NAV2: variants seen among roughly 807,000 people sequenced by gnomAD.
The protein encoded by NAV2 is neuron navigator 2, also known as helicase, APC down-regulated 1.
Under a neutral mutation model 223.2 loss-of-function variants are expected in NAV2, and 54 were observed. The ratio of observed to expected loss-of-function variants is 0.24; its 90% CI spans 0.19 to 0.30. The LOEUF (loss-of-function observed/expected upper bound fraction) is 0.30. Ranked by LOEUF, NAV2 falls within the 10% of genes least tolerant of loss-of-function variation. The pLI, the probability that NAV2 is intolerant of heterozygous loss-of-function variation, is 1.00. For missense variants in NAV2, 2,806 were observed against 3,147.5 expected (o/e 0.89, Z 2.60); for synonymous variants, 1,279 against 1,239.3 (o/e 1.03, Z -0.67).
chr11:19,428,439 C>T (rs550386773), intron 1 of NAV2, among the ~76,000 whole-genome samples: 1 of 152,298 alleles, frequency 6.6e-6, no homozygotes, highest in East Asian at 1.9e-4. Flanking sequence ...CGCATTCAAG[C>T]TAGTGTACCT....
At chr11:19,663,837 C>T (rs536616322) in intron 1 of NAV2, among the ~76,000 whole-genome samples, 54 of 152,276 alleles carry the variant, frequency 3.5e-4, no homozygotes, top group African/African-American at 1.0e-3. Flanking sequence ...CATATATCTT[C>T]GATGTTAAGA....
intron 1 of NAV2, among the ~76,000 whole-genome samples, chr11:19,527,763 A>G (rs1045181097): frequency 1.3e-5 from 2 of 152,138 alleles, no homozygotes; most frequent in Non-Finnish European, 2.9e-5. Context: ...GGGTCCACAC[A>G]CTTGGAATGC....
intron 3 of NAV2, among the ~76,000 whole-genome samples, chr11:19,857,943 A>ACCTCC (rs1274162547): frequency 1.3e-5 from 2 of 151,856 alleles, no homozygotes; most frequent in African/African-American, 4.8e-5. Flanking sequence ...TGCAAGCTCC[A>ACCTCC]CCTCCCGGGT....
chr11:19,984,090 A>G, intron 10 of NAV2, 35 bp from the exon 11 acceptor site: 3 of 1,613,698 alleles, frequency 1.9e-6, no homozygotes, highest in African/African-American at 1.3e-5. Flanking sequence ...CTTGCTTTGG[A>G]CATTCATGTG....
intron 1 of NAV2, among the ~76,000 whole-genome samples, chr11:19,823,232 A>G (rs2059471628): frequency 1.3e-5 from 2 of 151,944 alleles, no homozygotes; most frequent in African/African-American, 4.8e-5. Flanking sequence ...TTTGAGATGC[A>G]TTTTCACTTT....
At chr11:19,878,882 C>G (rs938406968) in intron 4 of NAV2, among the ~76,000 whole-genome samples, 1 of 152,184 alleles carries the variant, frequency 6.6e-6, no homozygotes, top group Non-Finnish European at 1.5e-5. Flanking sequence ...ATTACCTACC[C>G]CTCTAACAAG....
intron 6 of NAV2, among the ~76,000 whole-genome samples, chr11:19,906,743 C>T (rs1329952520): frequency 6.6e-6 from 1 of 152,172 alleles, no homozygotes; most frequent in East Asian, 1.9e-4. Context: ...ACAAGCACCA[C>T]TTGCTTTATG....
At position 20,083,080 on chromosome 11, in the gene NAV2, A is replaced by C. The variant is rs749244708; in HGVS notation, c.5399A>C (p.Glu1800Ala). 6.2e-7 allele frequency: 1 copy of C among 1,614,144 alleles called. No homozygotes were observed. The highest frequency in any genetic ancestry group is 2.2e-5 in the East Asian group (1 of 44,882). Reference protein sequence around the residue: ...PKSASSHSDIEEMTDSSLPSS... With the variant: ...PKSASSHSDIAEMTDSSLPSS... The stretch of plus-strand genomic sequence containing the variant: ...TCTGCGTCCTCTCATTCAGATATTG[A>C]GGAGATGACGGATTCTTCTTTGCCT... Residue 1800 changes from glutamate (E) to alanine (A), a missense_variant, in exon 26 of 38, where the codon GAG (glutamate) becomes GCG (alanine). Physicochemically the swap from Glu to Ala is moderately radical, Grantham distance 107 (BLOSUM62 -1). This residue lies in a region of NAV2 where 824 missense variants were observed against 1,069.4 expected (regional missense o/e 0.77). Coordinates refer to ENST00000349880, the MANE Select transcript of NAV2 (RefSeq NM_145117.5).
chr11:19,537,830 G>T (rs1482204060), intron 1 of NAV2, among the ~76,000 whole-genome samples: 1 of 152,168 alleles, frequency 6.6e-6, no homozygotes, highest in Non-Finnish European at 1.5e-5. Context: ...ATGTTTTTAA[G>T]TCTCAGTTTG....
chr11:19,368,628 G>A (rs1848369400), intron 1 of NAV2, among the ~76,000 whole-genome samples: 2 of 152,182 alleles, frequency 1.3e-5, no homozygotes, highest in East Asian at 1.9e-4. Flanking sequence ...AACAGCTAAT[G>A]TTCACTGGGT....
At chr11:19,466,792 A>T (rs1002942304) in intron 1 of NAV2, among the ~76,000 whole-genome samples, 9 of 152,206 alleles carry the variant, frequency 5.9e-5, no homozygotes, top group African/African-American at 2.2e-4. Flanking sequence ...TGCTTCAGTT[A>T]TGCAAGTGTT....
intron 1 of NAV2, among the ~76,000 whole-genome samples, chr11:19,512,489 G>A (rs2134241948): frequency 6.6e-6 from 1 of 152,258 alleles, no homozygotes; most frequent in Middle Eastern, 3.4e-3. Context: ...CGGGGAGGGA[G>A]GCAGGGAAAA....
intron 1 of NAV2, among the ~76,000 whole-genome samples, chr11:19,739,205 G>A (rs1160869353): frequency 1.3e-5 from 2 of 152,056 alleles, no homozygotes; most frequent in Non-Finnish European, 2.9e-5. Context: ...AAGATACATA[G>A]ACAACTCTTA....
At chr11:19,737,238 A>G (rs2052400875) in intron 1 of NAV2, among the ~76,000 whole-genome samples, 2 of 152,222 alleles carry the variant, frequency 1.3e-5, no homozygotes, top group South Asian at 4.1e-4. Context: ...AAAGAGACTT[A>G]GAGAATTTCA....
intron 17 of NAV2, among the ~76,000 whole-genome samples, chr11:20,051,637 T>G (rs1199082253): frequency 6.6e-6 from 1 of 152,232 alleles, no homozygotes; most frequent in African/African-American, 2.4e-5. Flanking sequence ...ATGGGTTTAA[T>G]TTCTGAGCAC....
intron 1 of NAV2, among the ~76,000 whole-genome samples, chr11:19,620,540 C>T (rs2046959281): frequency 6.6e-6 from 1 of 152,252 alleles, no homozygotes; most frequent in Non-Finnish European, 1.5e-5. Flanking sequence ...TGGGCATTCA[C>T]TCATGATTTG....
At chr11:19,510,392 G>T (rs989642225) in intron 1 of NAV2, among the ~76,000 whole-genome samples, 1 of 152,198 alleles carries the variant, frequency 6.6e-6, no homozygotes, top group Non-Finnish European at 1.5e-5. Flanking sequence ...CTGATTTCTT[G>T]TCTCCTTCTC....
At chr11:20,118,076 C>T (rs1687643827) in intron 37 of NAV2, 57 bp from the exon 38 acceptor site, 10 of 1,600,628 alleles carry the variant, frequency 6.2e-6, no homozygotes, top group Non-Finnish European at 6.8e-6. Context: ...TTTAGGAGTC[C>T]AGGGTGGGCG....
intron 1 of NAV2, among the ~76,000 whole-genome samples, chr11:19,422,862 C>T (rs575906946): frequency 1.9e-4 from 29 of 152,340 alleles, no homozygotes; most frequent in African/African-American, 6.3e-4. Flanking sequence ...GCATGTGGCA[C>T]ATCAGGGGCT....
Sources: gnomAD v4.1 joint callset for allele counts (sites outside exome capture counted in the v4.1 genomes callset) on GRCh38, gnomAD v4.1.1 for gene constraint, gnomAD v4.1.1 regional missense constraint, MANE v1.5 for transcripts, NCBI Gene and HGNC (gene_info 2026-07-23, HGNC 2026-07-21) for gene names.